The following DENND1B variants were observed in gnomAD, a reference collection of about 807,000 sequenced individuals.
The protein encoded by DENND1B is DENN domain-containing protein 1B.
Under a neutral mutation model 90.1 loss-of-function variants are expected in DENND1B, and 59 were observed. The observed-to-expected ratio is 0.65, with a 90% CI of 0.53 to 0.81. The LOEUF (loss-of-function observed/expected upper bound fraction) is 0.81. DENND1B is among the 40% of genes least tolerant of loss of function. The pLI, the probability that DENND1B is intolerant of heterozygous loss-of-function variation, is 0.00. For synonymous variants in DENND1B, 337 were observed against 324.6 expected, an observed-to-expected ratio of 1.04 and a Z score of -0.41; for missense variants, 862 against 912.6, an observed-to-expected ratio of 0.94 and a Z score of 0.71.
Position 197,526,593 on chromosome 1 carries a change from G to A in DENND1B, c.1515+13371C>T, listed in dbSNP as rs1247344935. ...TTTGTTTCAAGACATTGTAATAAAT[G>A]TCAGTCATTTCTGGCAATAAATTTG... On this transcript the variant is annotated intron_variant, in intron 20 of 22. Transcript: ENST00000620048. Among the ~76,000 whole-genome samples, 4 of 152,216 alleles carry A rather than the reference G, an allele frequency of 2.6e-5. No homozygotes were observed. The East Asian group carries it at 5.8e-4, about 22-fold the overall frequency.
intron 10 of DENND1B, among the ~76,000 whole-genome samples, chr1:197,629,586 G>A (rs970662394): frequency 6.6e-6 from 1 of 151,490 alleles, no homozygotes; most frequent in African/African-American, 2.4e-5. Context: ...TAAATGATGA[G>A]TTAATGGGTG....
chr1:197,574,096 T>C (rs1445451685), intron 15 of DENND1B, among the ~76,000 whole-genome samples: 2 of 152,186 alleles, frequency 1.3e-5, no homozygotes, highest in Non-Finnish European at 2.9e-5. Flanking sequence ...GCCAGGGCTA[T>C]CAGGCAAGAG....
chr1:197,587,004 C>G (rs968322636), intron 14 of DENND1B, among the ~76,000 whole-genome samples: 10 of 152,148 alleles, frequency 6.6e-5, no homozygotes, highest in African/African-American at 2.2e-4. Flanking sequence ...ACGGCAACAA[C>G]AAGTACAGGG....
At chr1:197,590,595 T>C (rs1675111131) in intron 14 of DENND1B, among the ~76,000 whole-genome samples, 1 of 152,222 alleles carries the variant, frequency 6.6e-6, no homozygotes, top group South Asian at 2.1e-4. Flanking sequence ...GATTACACAC[T>C]GTAAGTAACA....
intron 18 of DENND1B, among the ~76,000 whole-genome samples, chr1:197,544,983 G>GGGAAGAAGGAAGAA (rs112933169): frequency 9.9e-5 from 5 of 50,416 alleles, no homozygotes; most frequent in Non-Finnish European, 1.4e-4. Flanking sequence ...AAGGAGGAAG[G>GGGAAGAAGGAAGAA]GGAAGAAGGA....
intron 6 of DENND1B, among the ~76,000 whole-genome samples, chr1:197,652,777 G>A (rs1343718502): frequency 6.6e-6 from 1 of 151,944 alleles, no homozygotes; most frequent in Non-Finnish European, 1.5e-5. Context: ...CAATGTAGAG[G>A]TTATTCTAAA....
intron 2 of DENND1B, among the ~76,000 whole-genome samples, chr1:197,766,536 A>G (rs1192333292): frequency 6.6e-6 from 1 of 152,240 alleles, no homozygotes; most frequent in Admixed American, 6.5e-5. Context: ...TCACAAACAT[A>G]TATAGCAACT....
chr1:197,539,508 A>C (rs1314315544), intron 20 of DENND1B, among the ~76,000 whole-genome samples: 1 of 152,046 alleles, frequency 6.6e-6, no homozygotes. Context: ...ATATAAAAAG[A>C]AGCTTTAACT....
At chr1:197,629,060 C>T (rs1178284985) in intron 10 of DENND1B, among the ~76,000 whole-genome samples, 1 of 152,090 alleles carries the variant, frequency 6.6e-6, no homozygotes, top group Non-Finnish European at 1.5e-5. Context: ...GAAATAGGTA[C>T]ACTTTTACAC....
At chr1:197,659,907 G>A (rs1294510228) in intron 5 of DENND1B, among the ~76,000 whole-genome samples, 3 of 151,750 alleles carry the variant, frequency 2.0e-5, no homozygotes, top group Non-Finnish European at 4.4e-5. Context: ...CCAACCACCA[G>A]ATATTTGAGG....
intron 18 of DENND1B, among the ~76,000 whole-genome samples, chr1:197,544,544 C>T (rs1288618717): frequency 4.6e-5 from 7 of 151,952 alleles, no homozygotes; most frequent in Non-Finnish European, 8.8e-5. Flanking sequence ...CTATTATTCC[C>T]ATTATTTTTT....
intron 3 of DENND1B, chr1:197,690,352 C>A (rs2126016828): frequency 5.8e-6 from 1 of 171,394 alleles, no homozygotes; most frequent in South Asian, 1.4e-4. Context: ...GACTGTCACA[C>A]AGCTTATGTT....
chr1:197,516,367 G>A (rs1668399864), intron 20 of DENND1B, among the ~76,000 whole-genome samples: 1 of 151,758 alleles, frequency 6.6e-6, no homozygotes, highest in Non-Finnish European at 1.5e-5. Context: ...CCAAACAGGT[G>A]ATAGAATATG....
At chr1:197,716,150 A>G (rs1410945351) in intron 2 of DENND1B, among the ~76,000 whole-genome samples, 1 of 151,874 alleles carries the variant, frequency 6.6e-6, no homozygotes, top group Non-Finnish European at 1.5e-5. Context: ...GGATACATAT[A>G]TATTTCAAAA....
intron 2 of DENND1B, among the ~76,000 whole-genome samples, chr1:197,746,202 AC>A (rs1209938767): frequency 2.0e-5 from 3 of 152,102 alleles, no homozygotes; most frequent in Non-Finnish European, 4.4e-5. Flanking sequence ...GACCAACCTA[AC>A]CAACACAGCA....
At chr1:197,539,752 G>A (rs904160971) in intron 20 of DENND1B, among the ~76,000 whole-genome samples, 1 of 152,038 alleles carries the variant, frequency 6.6e-6, no homozygotes, top group East Asian at 1.9e-4. Flanking sequence ...TGAGGGCATG[G>A]GCTAACAAAG....
In DENND1B at chr1:197,652,282, A is replaced by G. The variant is rs767320034; in HGVS notation, c.400T>C (p.Tyr134His). 6.2e-7 allele frequency: 1 copy of G among 1,611,928 alleles called. No homozygotes were observed. The highest frequency in any genetic ancestry group is 8.5e-7 in the Non-Finnish European group (1 of 1,179,278). The change falls in exon 7 of 23, where the codon TAT becomes CAT. Residue 134 changes from tyrosine (Y) to histidine (H), a missense_variant. Transcript: ENST00000620048. ...TTTGCCTTTGGTACTGGGTGGTTATACAGTGATCTGAGAGTTTCATTCAAA... is the reference window on the plus strand; with the variant it reads ...TTTGCCTTTGGTACTGGGTGGTTATGCAGTGATCTGAGAGTTTCATTCAAA... ...NDLNETLRSLYNHPVPKANTP... is the reference protein window; with the variant it reads ...NDLNETLRSLHNHPVPKANTP...
rs368406602 is a variant in DENND1B, at chr1:197,611,973, G to C, written c.777C>G (p.Ala259=). The C allele has an allele frequency of 1.5e-4, 240 of 1,601,544 alleles. No homozygotes were observed. The highest frequency in any genetic ancestry group is 2.0e-4 in the Non-Finnish European group (235 of 1,171,648). Residue 259 remains alanine (A), a synonymous_variant, in exon 12 of 23, where the codon GCC becomes GCG. Transcript: ENST00000620048. ...GTATTCCAATCAGGTATGGCATTGG[G>C]GCACTAAATTAAAAATATATATATG... ...LPPHLLDYCC[A]PMPYLIGIHS...
At chr1:197,602,307 G>T (rs1676282274) in intron 13 of DENND1B, among the ~76,000 whole-genome samples, 1 of 151,442 alleles carries the variant, frequency 6.6e-6, no homozygotes, top group Non-Finnish European at 1.5e-5. Flanking sequence ...CAGTACCAAG[G>T]CTGTGTGGTG....
Sources: allele counts gnomAD v4.1 joint callset (sites outside exome capture counted in the v4.1 genomes callset), GRCh38; gene constraint gnomAD v4.1.1; transcripts MANE v1.5; gene names NCBI Gene and HGNC (gene_info 2026-07-23, HGNC 2026-07-21).